The following SYTL3 variants were observed in gnomAD, a reference collection of about 807,000 sequenced individuals.
SYTL3 encodes the protein synaptotagmin-like protein 3.
In SYTL3, 88 loss-of-function variants were observed where a neutral mutation model predicts 82.1. The ratio of observed to expected loss-of-function variants is 1.07; its 90% CI spans 0.90 to 1.28. The LOEUF (loss-of-function observed/expected upper bound fraction) is 1.28. SYTL3 is among the 50% of genes most tolerant of loss of function. The probability of loss-of-function intolerance (pLI) is 0.00; values close to 1 mark genes in which losing one functional copy is unlikely to be tolerated. For missense variants in SYTL3, 831 were observed against 757.6 expected (o/e 1.10, Z -1.14); for synonymous variants, 311 against 289.4 (o/e 1.07, Z -0.76).
intron 6 of SYTL3, among the ~76,000 whole-genome samples, chr6:158,686,461 A>G (rs553259415): frequency 6.6e-6 from 1 of 152,182 alleles, no homozygotes; most frequent in African/African-American, 2.4e-5. Flanking sequence ...ACTATGGGGG[A>G]AAATGCCAGG....
At chr6:158,749,507 CTT>C (rs765386344) in intron 12 of SYTL3, among the ~76,000 whole-genome samples, 2,489 of 65,828 alleles carry the variant, frequency 0.038, 83 homozygotes, top group African/African-American at 0.14. Flanking sequence ...TTCTTTCTCT[CTT>C]TTTTTTTTTT....
chr6:158,710,732 C>T (rs951580968), intron 8 of SYTL3, among the ~76,000 whole-genome samples: 1 of 149,434 alleles, frequency 6.7e-6, no homozygotes, highest in Non-Finnish European at 1.5e-5. Context: ...CTTTGAAACA[C>T]TTGCTGCACT....
At chr6:158,676,850 A>T (rs1233701703) in intron 5 of SYTL3, among the ~76,000 whole-genome samples, 1 of 152,162 alleles carries the variant, frequency 6.6e-6, no homozygotes, top group South Asian at 2.1e-4. Context: ...TCAAAACCAC[A>T]ATGAGATACC....
chr6:158,764,453 T>C (rs1193240029), intron 17 of SYTL3, 42 bp from the exon 18 acceptor site: 1 of 1,435,672 alleles, frequency 7.0e-7, no homozygotes, highest in East Asian at 2.3e-5. Flanking sequence ...GATGAAGTGG[T>C]GCCCTCCCCG....
In SYTL3 at chr6:158,665,483, C is replaced by T. The variant is rs1156526763; in HGVS notation, c.199C>T (p.Gln67Ter). The part of the protein sequence containing the change: ...EHKEKCCARC[Q>*]QVLGFLLHRG... ...CAAAGAGAAGTGCTGTGCGCGCTGC[C>T]AGCAGGTGCTGGGGTTCCTGCTGCA... Residue 67 changes from glutamine (Q) to a stop codon, truncating the protein, a stop_gained, in exon 5 of 18, where the codon CAG (glutamine) becomes TAG (stop). Transcript: ENST00000611299. LOFTEE classifies it high-confidence loss of function. The T allele has an allele frequency of 2.5e-6, 4 of 1,606,602 alleles. No individual in the cohort carries two copies. The highest frequency in any genetic ancestry group is 3.4e-6 in the Non-Finnish European group (4 of 1,176,774).
At chr6:158,699,158 A>C (rs1780880441) in intron 6 of SYTL3, among the ~76,000 whole-genome samples, 1 of 152,160 alleles carries the variant, frequency 6.6e-6, no homozygotes, top group South Asian at 2.1e-4. Flanking sequence ...TCAGGACCTG[A>C]AAACCCTCAG....
chr6:158,653,372 G>A (rs1788274943), intron 2 of SYTL3, among the ~76,000 whole-genome samples: 3 of 152,206 alleles, frequency 2.0e-5, no homozygotes, highest in Admixed American at 2.0e-4. Context: ...GGAGGATGGT[G>A]GTGCATGCCT....
intron 9 of SYTL3, among the ~76,000 whole-genome samples, chr6:158,716,065 C>G (rs1397713248): frequency 1.3e-5 from 2 of 152,144 alleles, no homozygotes; most frequent in Non-Finnish European, 2.9e-5. Flanking sequence ...ATTACAACCT[C>G]TAGCTGCTGA....
chr6:158,730,466 A>G (rs886818423), intron 11 of SYTL3, among the ~76,000 whole-genome samples: 1 of 152,222 alleles, frequency 6.6e-6, no homozygotes, highest in African/African-American at 2.4e-5. Context: ...TAAACATTTT[A>G]CTTATAACAA....
intron 5 of SYTL3, among the ~76,000 whole-genome samples, chr6:158,681,878 A>T (rs1778734443): frequency 6.6e-6 from 1 of 152,178 alleles, no homozygotes; most frequent in Non-Finnish European, 1.5e-5. Context: ...CATAACATCG[A>T]GTTTTCCTGT....
intron 5 of SYTL3, among the ~76,000 whole-genome samples, chr6:158,682,262 A>G (rs567116974): frequency 2.0e-5 from 3 of 152,188 alleles, no homozygotes; most frequent in African/African-American, 4.8e-5. Flanking sequence ...TTTTGATGAT[A>G]ATAATTTTGT....
At chr6:158,747,092 T>G (rs1787760225) in intron 12 of SYTL3, among the ~76,000 whole-genome samples, 1 of 152,190 alleles carries the variant, frequency 6.6e-6, no homozygotes, top group African/African-American at 2.4e-5. Context: ...GTTCAAGCAA[T>G]TCTCCTGCCT....
intron 8 of SYTL3, 42 bp from the exon 9 acceptor site, chr6:158,713,758 A>C (rs1171270866): frequency 2.2e-5 from 31 of 1,432,154 alleles, no homozygotes; most frequent in Non-Finnish European, 3.0e-5. Flanking sequence ...AACACAAGTC[A>C]TCAAGCATAA....
chr6:158,733,147 A>G (rs1312698364), intron 11 of SYTL3, among the ~76,000 whole-genome samples: 1 of 152,186 alleles, frequency 6.6e-6, no homozygotes, highest in East Asian at 1.9e-4. Flanking sequence ...GCTGTTAGAT[A>G]TAGAGAAATA....
intron 6 of SYTL3, among the ~76,000 whole-genome samples, chr6:158,683,310 TC>T (rs1778935935): frequency 6.9e-6 from 1 of 145,858 alleles, no homozygotes; most frequent in Non-Finnish European, 1.5e-5. Context: ...AACCTCCATC[TC>T]CTAGGTTTAA....
chr6:158,718,178 C>T lies in SYTL3; in HGVS notation c.687C>T (p.Ser229=). Residue 229 remains serine, a synonymous_variant, in exon 10 of 18, where the codon AGC becomes AGT. Transcript: ENST00000611299. ...RQCVGQTERR[S]QSDTAVNVTT... Reference sequence around the variant, plus strand: ...GTGTGGGACAGACAGAGAGACGGAGCCAGTCTGACACTGCGGTCAACGTCA... The same window carrying T: ...GTGTGGGACAGACAGAGAGACGGAGTCAGTCTGACACTGCGGTCAACGTCA... 6.5e-7 allele frequency: 1 copy of T among 1,544,084 alleles called. No homozygotes were observed. The highest frequency in any genetic ancestry group is 1.2e-5 in the South Asian group (1 of 83,076).
intron 14 of SYTL3, among the ~76,000 whole-genome samples, chr6:158,760,175 C>T (rs1162266339): frequency 1.3e-5 from 2 of 152,090 alleles, no homozygotes; most frequent in Admixed American, 6.6e-5. Flanking sequence ...CCTGAGGGGC[C>T]ACCCCCTGTG....
At chr6:158,757,000 A>C (rs1044192157) in intron 13 of SYTL3, among the ~76,000 whole-genome samples, 34 of 141,998 alleles carry the variant, frequency 2.4e-4, no homozygotes, top group East Asian at 6.3e-4. Context: ...CAGAGAGAGG[A>C]CCCCCCCGCC....
At chr6:158,729,892 T>A (rs1456544642) in intron 11 of SYTL3, among the ~76,000 whole-genome samples, 3 of 152,060 alleles carry the variant, frequency 2.0e-5, no homozygotes, top group African/African-American at 7.2e-5. Flanking sequence ...AGTTTCCTTT[T>A]TTTTGTTAAA....
Sources: allele counts gnomAD v4.1 joint callset (sites outside exome capture counted in the v4.1 genomes callset), GRCh38; gene constraint gnomAD v4.1.1; transcripts MANE v1.5; gene names NCBI Gene and HGNC (gene_info 2026-07-23, HGNC 2026-07-21).